MTM1: variants seen among roughly 807,000 people sequenced by gnomAD.
MTM1 encodes myotubularin.
A neutral mutation model predicts 52.1 loss-of-function variants in MTM1; 9 were observed. That is an observed-to-expected ratio of 0.17 (90% CI 0.10 to 0.30). The LOEUF is 0.30. Ranked by LOEUF, MTM1 falls within the 10% of genes least tolerant of loss-of-function variation. The probability of loss-of-function intolerance (pLI) is 1.00; values close to 1 mark genes in which losing one functional copy is unlikely to be tolerated. For missense variants in MTM1, 277 were observed against 470.7 expected, an observed-to-expected ratio of 0.59 and a Z score of 3.81; for synonymous variants, 136 against 163.8, an observed-to-expected ratio of 0.83 and a Z score of 1.29.
chrX:150,616,139 T>C (rs782181447), intron 5 of MTM1, among the ~76,000 whole-genome samples: 7 of 111,561 alleles, frequency 6.3e-5, no homozygotes, highest in African/African-American at 2.3e-4. Flanking sequence ...CCCCCAAAAT[T>C]AATGAGACAA....
chrX:150,610,307 C>A (rs2039251906), intron 4 of MTM1, among the ~76,000 whole-genome samples: 1 of 111,198 alleles, frequency 9.0e-6, no homozygotes, highest in South Asian at 3.8e-4. Flanking sequence ...TAGAGCTAGG[C>A]CCTGAACTCC....
chrX:150,572,380 A>G (rs2038393830), intron 1 of MTM1, among the ~76,000 whole-genome samples: 1 of 112,073 alleles, frequency 8.9e-6, no homozygotes, highest in Non-Finnish European at 1.9e-5. Flanking sequence ...GAACTGGTAT[A>G]AGAGGGCAGT....
intron 14 of MTM1, among the ~76,000 whole-genome samples, chrX:150,664,318 G>T (rs1557414842): frequency 8.9e-6 from 1 of 112,688 alleles, no homozygotes; most frequent in Non-Finnish European, 1.9e-5. Flanking sequence ...CTGCAGTGTG[G>T]GTGGTCGACT....
At chrX:150,663,723 A>C in intron 14 of MTM1, 114 bp downstream of exon 14, 1 of 692,902 alleles carries the variant, frequency 1.4e-6, no homozygotes, top group Non-Finnish European at 2.3e-6. Context: ...CTCTAAAAAC[A>C]CACTTATTGT....
At chrX:150,636,125 G>A (rs1569565482) in intron 6 of MTM1, among the ~76,000 whole-genome samples, 1 of 111,549 alleles carries the variant, frequency 9.0e-6, no homozygotes, top group East Asian at 2.8e-4. Context: ...AAGGATACCA[G>A]TTAGTTGACT....
At chrX:150,564,446 G>A (rs28703111), upstream of MTM1, among the ~76,000 whole-genome samples, 1 of 111,413 alleles carries the variant, frequency 9.0e-6, no homozygotes, top group East Asian at 2.8e-4. Flanking sequence ...GCAGTGGCAC[G>A]ATCTCGGCTC....
intron 2 of MTM1, 56 bp from the exon 3 acceptor site, chrX:150,596,442 A>G: frequency 2.1e-6 from 2 of 959,514 alleles, no homozygotes; most frequent in East Asian, 3.1e-5. Context: ...CTAGTTGCTT[A>G]AAAACAGTGT....
chrX:150,585,330 A>C (rs1414536177), intron 1 of MTM1, among the ~76,000 whole-genome samples: 2 of 111,320 alleles, frequency 1.8e-5, no homozygotes, highest in Non-Finnish European at 3.8e-5. Flanking sequence ...TCCACTACTG[A>C]TTCTGCTCAG....
chrX:150,627,143 G>A (rs1017832360), intron 6 of MTM1, among the ~76,000 whole-genome samples: 2 of 111,433 alleles, frequency 1.8e-5, no homozygotes, highest in African/African-American at 3.3e-5. Context: ...GCAATCAGTC[G>A]TCTAGCCCGC....
At chrX:150,574,606 A>G (rs1283223283) in intron 1 of MTM1, among the ~76,000 whole-genome samples, 1 of 112,531 alleles carries the variant, frequency 8.9e-6, no homozygotes, top group Non-Finnish European at 1.9e-5. Flanking sequence ...AAATATTTCA[A>G]TGTGTCATCG....
chrX:150,669,120 A>C (rs1324510308), intron 14 of MTM1, among the ~76,000 whole-genome samples: 2 of 111,055 alleles, frequency 1.8e-5, no homozygotes, highest in Non-Finnish European at 3.8e-5. Flanking sequence ...ATGAGTGAGA[A>C]CATGCAGTGT....
chrX:150,571,419 T>C (rs1218909718), intron 1 of MTM1, among the ~76,000 whole-genome samples: 4 of 111,858 alleles, frequency 3.6e-5, no homozygotes, highest in Non-Finnish European at 7.5e-5. Flanking sequence ...TGTGTGACTT[T>C]AGGCAAGGTA....
At chrX:150,593,140 G>A (rs979707753) in intron 2 of MTM1, among the ~76,000 whole-genome samples, 2 of 112,222 alleles carry the variant, frequency 1.8e-5, no homozygotes, top group African/African-American at 6.5e-5. Flanking sequence ...CTACCACGCC[G>A]GCCCAGAAAA....
chrX:150,593,934 C>A (rs1473272160), intron 2 of MTM1, among the ~76,000 whole-genome samples: 1 of 110,675 alleles, frequency 9.0e-6, no homozygotes, highest in Non-Finnish European at 1.9e-5. Context: ...CCACTGCACT[C>A]CAGCCTGGGC....
In MTM1 at chrX:150,671,415, T is replaced by C. The variant is rs1224004749; in HGVS notation, c.1645-13T>C. On this transcript the variant is annotated splice_polypyrimidine_tract_variant and intron_variant, in intron 14 of 14. Coordinates refer to ENST00000370396, the MANE Select transcript of MTM1 (RefSeq NM_000252.3). ...TGGCATAAAGTGTAACTCAAGTCTC[T>C]GGTTCTCTCCAGCAGCCGAATCCAG... 7 of 1,209,272 alleles carry C rather than the reference T, an allele frequency of 5.8e-6. No homozygotes were observed. The highest frequency in any genetic ancestry group is 6.7e-6 in the Non-Finnish European group (6 of 895,037).
chrX:150,664,594 A>G (rs1215736717), intron 14 of MTM1, among the ~76,000 whole-genome samples: 1 of 113,030 alleles, frequency 8.8e-6, no homozygotes, highest in East Asian at 2.8e-4. Flanking sequence ...GGAAAGTGAC[A>G]GATTCCAGGG....
Position 150,611,374 on chromosome X carries a change from A to G in MTM1, c.232-3215A>G, listed in dbSNP as rs147765373. ...AGATAAATGTGACTGAGTGATAGTA[A>G]CTCACCACTGTTATCAGCTAGTAAA... On this transcript the variant is annotated intron_variant, in intron 4 of 14. Transcript: ENST00000370396. Among the ~76,000 whole-genome samples the G allele has an allele frequency of 7.2e-3, 813 of 112,379 alleles. 2 individuals carry two copies. The highest frequency in any genetic ancestry group is 0.037 in the Middle Eastern group (8 of 219).
upstream of MTM1, among the ~76,000 whole-genome samples, chrX:150,564,841 C>T (rs1557411168): frequency 8.9e-6 from 1 of 111,989 alleles, no homozygotes; most frequent in Admixed American, 9.5e-5. Flanking sequence ...TCCAAAGGGG[C>T]TGCACTATCC....
At chrX:150,615,748 C>T (rs376935652) in intron 5 of MTM1, among the ~76,000 whole-genome samples, 5 of 111,915 alleles carry the variant, frequency 4.5e-5, no homozygotes, top group African/African-American at 9.7e-5. Context: ...TTTTTCTTTC[C>T]GTTTATAAAA....
Sources: allele counts gnomAD v4.1 joint callset (sites outside exome capture counted in the v4.1 genomes callset), GRCh38; gene constraint gnomAD v4.1.1; transcripts MANE v1.5; gene names NCBI Gene and HGNC (gene_info 2026-07-23, HGNC 2026-07-21).